The following PREX1 variants were observed in gnomAD, a reference collection of about 807,000 sequenced individuals.
The protein encoded by PREX1 is phosphatidylinositol-3,4,5-trisphosphate dependent Rac exchange factor 1, also known as phosphatidylinositol 3,4,5-trisphosphate-dependent Rac exchanger 1 protein.
Under a neutral mutation model 198.3 loss-of-function variants are expected in PREX1, and 41 were observed. That is an observed-to-expected ratio of 0.21 (90% CI 0.16 to 0.27). The LOEUF (loss-of-function observed/expected upper bound fraction) is 0.27. PREX1 is among the 10% of genes least tolerant of loss of function. The probability of loss-of-function intolerance (pLI) is 1.00; values close to 1 mark genes in which losing one functional copy is unlikely to be tolerated. For synonymous variants in PREX1, 843 were observed against 887.2 expected, an observed-to-expected ratio of 0.95 and a Z score of 0.89; for missense variants, 1,620 against 2,200.7, an observed-to-expected ratio of 0.74 and a Z score of 5.28.
chr20:48,649,162 A>G (rs1450309635), intron 25 of PREX1, 138 bp downstream of exon 25: 29 of 1,268,408 alleles, frequency 2.3e-5, no homozygotes, highest in Non-Finnish European at 3.0e-5. Flanking sequence ...TAGACGAAAA[A>G]GATACTGCTA....
intron 1 of PREX1, among the ~76,000 whole-genome samples, chr20:48,773,211 G>A (rs1229304282): frequency 1.4e-5 from 2 of 142,610 alleles, no homozygotes; most frequent in African/African-American, 2.6e-5. Flanking sequence ...AGGTTGTAGT[G>A]AGCCGAGATC....
intron 1 of PREX1, among the ~76,000 whole-genome samples, chr20:48,802,086 C>A (rs1423911998): frequency 2.6e-5 from 4 of 152,146 alleles, no homozygotes; most frequent in Non-Finnish European, 4.4e-5. Context: ...CAGCTTCAGG[C>A]GTTCTGTTAT....
chr20:48,752,625 T>TC (rs1171012358), intron 1 of PREX1, among the ~76,000 whole-genome samples: 59 of 152,102 alleles, frequency 3.9e-4, no homozygotes, highest in African/African-American at 1.3e-3. Flanking sequence ...GGACACTATC[T>TC]CCCCGAGTGC....
chr20:48,887,110 T>C, the PREX1 span, among the ~76,000 whole-genome samples: 24,133 of 152,146 alleles, frequency 0.16, 2,059 homozygotes, highest in African/African-American at 0.22. Context: ...AGTTGCATGA[T>C]AAACAGCAAA....
chr20:48,780,624 T>C (rs1046792378), intron 1 of PREX1, among the ~76,000 whole-genome samples: 95 of 152,148 alleles, frequency 6.2e-4, no homozygotes, highest in African/African-American at 2.2e-3. Context: ...TATGATAATA[T>C]AAATAATGGA....
chr20:48,800,036 A>C (rs2090379598), intron 1 of PREX1, among the ~76,000 whole-genome samples: 1 of 152,238 alleles, frequency 6.6e-6, no homozygotes, highest in African/African-American at 2.4e-5. Flanking sequence ...AAGGAGCTTC[A>C]AAACAGTCTC....
intron 3 of PREX1, among the ~76,000 whole-genome samples, chr20:48,742,841 G>T (rs140525061): frequency 1.3e-5 from 2 of 152,128 alleles, no homozygotes; most frequent in Non-Finnish European, 2.9e-5. Context: ...ACTGACAAGC[G>T]AGTTAAACCC....
the PREX1 span, among the ~76,000 whole-genome samples, chr20:48,842,620 T>C: frequency 6.6e-6 from 1 of 151,058 alleles, no homozygotes; most frequent in Non-Finnish European, 1.5e-5. Context: ...AAAAATCTAG[T>C]AGCCGTGTCT....
chr20:48,649,765 T>C (rs897894678), intron 24 of PREX1, among the ~76,000 whole-genome samples, 189 bp from the exon 25 acceptor site: 5 of 152,222 alleles, frequency 3.3e-5, no homozygotes, highest in African/African-American at 9.6e-5. Context: ...TTTTAACTAC[T>C]GTGATCTTTT....
intron 25 of PREX1, among the ~76,000 whole-genome samples, chr20:48,648,882 G>A (rs993232139): frequency 5.9e-5 from 9 of 152,194 alleles, no homozygotes; most frequent in Non-Finnish European, 1.0e-4. Flanking sequence ...CCTCGTGGGC[G>A]GGGCTGCGTC....
At chr20:48,727,195 TAC>T (rs940213867) in intron 4 of PREX1, among the ~76,000 whole-genome samples, 2 of 152,190 alleles carry the variant, frequency 1.3e-5, no homozygotes, top group Non-Finnish European at 2.9e-5. Flanking sequence ...CTTCAACTGT[TAC>T]TGAAAATGTC....
chr20:48,811,622 ACC>A (rs145554231), intron 1 of PREX1, among the ~76,000 whole-genome samples: 3 of 120,496 alleles, frequency 2.5e-5, no homozygotes, highest in African/African-American at 1.2e-4. Context: ...CTGGATACAC[ACC>A]CCCCCACACA....
the PREX1 span, among the ~76,000 whole-genome samples, chr20:48,838,356 C>T: frequency 6.6e-6 from 1 of 152,132 alleles, no homozygotes; most frequent in East Asian, 1.9e-4. Flanking sequence ...ATATTTACAG[C>T]CTTTAACCAA....
At chr20:48,785,071 A>T (rs979329810) in intron 1 of PREX1, among the ~76,000 whole-genome samples, 2 of 151,592 alleles carry the variant, frequency 1.3e-5, no homozygotes, top group Admixed American at 1.3e-4. Flanking sequence ...CTGCCACCAC[A>T]CCCACCTAAT....
the PREX1 span, among the ~76,000 whole-genome samples, chr20:48,882,799 T>C: frequency 6.6e-6 from 1 of 152,026 alleles, no homozygotes; most frequent in Non-Finnish European, 1.5e-5. Flanking sequence ...TGGTATTTCA[T>C]TGTGGCTTTA....
At chr20:48,808,641 C>T (rs2090422207) in intron 1 of PREX1, among the ~76,000 whole-genome samples, 1 of 152,196 alleles carries the variant, frequency 6.6e-6, no homozygotes, top group Non-Finnish European at 1.5e-5. Flanking sequence ...CACCACCTCA[C>T]TCAGCGACAC....
the PREX1 span, among the ~76,000 whole-genome samples, chr20:48,854,555 C>T: frequency 6.6e-6 from 1 of 151,776 alleles, no homozygotes; most frequent in South Asian, 2.1e-4. Flanking sequence ...AGTGAGACAC[C>T]CTCTCTAAAA....
chr20:48,883,547 G>T, the PREX1 span, among the ~76,000 whole-genome samples: 1 of 152,090 alleles, frequency 6.6e-6, no homozygotes, highest in African/African-American at 2.4e-5. Context: ...GCTTAGCAAA[G>T]CTGTGGGATA....
chr20:48,655,162 A>G (rs2089532458), intron 19 of PREX1, 128 bp downstream of exon 19: 1 of 1,027,436 alleles, frequency 9.7e-7, no homozygotes, highest in Non-Finnish European at 1.4e-6. Flanking sequence ...GCATCAGGCA[A>G]AGAAAATAAG....
Sources: gnomAD v4.1 joint callset for allele counts (sites outside exome capture counted in the v4.1 genomes callset) on GRCh38, gnomAD v4.1.1 for gene constraint, MANE v1.5 for transcripts, NCBI Gene and HGNC (gene_info 2026-07-23, HGNC 2026-07-21) for gene names.